Variants in TAF1A observed in about 807,000 individuals in gnomAD.
TAF1A encodes TATA box-binding protein-associated factor RNA polymerase I subunit A.
Under a neutral mutation model 61.6 loss-of-function variants are expected in TAF1A, and 42 were observed. That is an observed-to-expected ratio of 0.68 (90% CI 0.53 to 0.88). The LOEUF is 0.88. TAF1A is among the 40% of genes least tolerant of loss of function. The probability of loss-of-function intolerance (pLI) is 0.00; values close to 1 mark genes in which losing one functional copy is unlikely to be tolerated. For missense variants in TAF1A, 424 were observed against 518.7 expected (o/e 0.82, Z 1.77); for synonymous variants, 179 against 177.7 (o/e 1.01, Z -0.06).
At chr1:222,555,046 T>TG (rs1659710913), downstream of TAF1A, among the ~76,000 whole-genome samples, 1 of 152,196 alleles carries the variant, frequency 6.6e-6, no homozygotes, top group African/African-American at 2.4e-5. Flanking sequence ...TATGAATAAG[T>TG]GCTCAACATC....
chr1:222,563,856 G>A (rs1231777898), intron 8 of TAF1A, among the ~76,000 whole-genome samples: 1 of 152,096 alleles, frequency 6.6e-6, no homozygotes. Flanking sequence ...GCTTTGCAAG[G>A]CATACAGTCT....
chr1:222,571,367 G>A (rs1180471081), intron 5 of TAF1A, among the ~76,000 whole-genome samples: 1 of 151,916 alleles, frequency 6.6e-6, no homozygotes. Context: ...CATTATATTG[G>A]TGGTTCCAGC....
chr1:222,560,796 G>T (rs1490413337), intron 10 of TAF1A, among the ~76,000 whole-genome samples: 1 of 152,044 alleles, frequency 6.6e-6, no homozygotes, highest in Non-Finnish European at 1.5e-5. Context: ...TTTCATTTCG[G>T]TACTGGCCAC....
intron 3 of TAF1A, among the ~76,000 whole-genome samples, chr1:222,581,487 C>T (rs1269882320): frequency 6.6e-6 from 1 of 152,050 alleles, no homozygotes; most frequent in East Asian, 1.9e-4. Context: ...AGAAATTTAG[C>T]AGTATATGCC....
At position 222,567,390 on chromosome 1, in the gene TAF1A, C is replaced by T. The variant is rs188575884; in HGVS notation, c.894+2120G>A. On this transcript the variant is annotated intron_variant, in intron 7 of 10. Coordinates refer to ENST00000352967, the MANE Select transcript of TAF1A (RefSeq NM_005681.4). ...AGACAGTGATGGTGGTTGCACAAAA[C>T]TGTGAATGAATGTACTTAATGCCAC... Among the ~76,000 whole-genome samples, 186 of 152,284 alleles carry T rather than the reference C, an allele frequency of 1.2e-3. 1 individual carries two copies. The highest frequency in any genetic ancestry group is 2.7e-3 in the Admixed American group (42 of 15,302).
chr1:222,581,575 A>G, intron 3 of TAF1A, among the ~76,000 whole-genome samples: 1 of 152,244 alleles, frequency 6.6e-6, no homozygotes, highest in African/African-American at 2.4e-5. Flanking sequence ...ATATAATTAA[A>G]TTGTCAACTG....
In TAF1A at chr1:222,568,051, G is replaced by A. The variant is rs114946544; in HGVS notation, c.894+1459C>T. ...TTCCAAATGTACTAAATGGAGAAAG[G>A]AGAGTCTTCAATATAATGCTGGAAC... is the stretch of plus-strand genomic sequence containing the variant. On this transcript the variant is annotated intron_variant, in intron 7 of 10. Coordinates refer to ENST00000352967, the MANE Select transcript of TAF1A (RefSeq NM_005681.4). Among the ~76,000 whole-genome samples, 1,406 of 152,028 alleles carry A rather than the reference G, an allele frequency of 9.2e-3. 12 individuals carry two copies. The highest frequency in any genetic ancestry group is 0.032 in the African/African-American group (1,316 of 41,460).
intron 7 of TAF1A, among the ~76,000 whole-genome samples, chr1:222,567,945 G>A (rs1019030481): frequency 6.6e-6 from 1 of 152,092 alleles, no homozygotes; most frequent in African/African-American, 2.4e-5. Flanking sequence ...TGGAGAAACT[G>A]AATTTTCATC....
At chr1:222,563,930 A>G (rs1028804616) in intron 8 of TAF1A, 129 bp downstream of exon 8, 5 of 635,290 alleles carry the variant, frequency 7.9e-6, no homozygotes, top group Admixed American at 6.1e-5. Context: ...ACAGAAACAG[A>G]TGGACTCCAA....
chr1:222,570,392 C>T, intron 6 of TAF1A, 143 bp downstream of exon 6: 1 of 840,078 alleles, frequency 1.2e-6, no homozygotes, highest in Non-Finnish European at 1.7e-6. Flanking sequence ...AAATTCAGAC[C>T]AAAAAAGAGA....
intron 3 of TAF1A, among the ~76,000 whole-genome samples, chr1:222,582,043 A>G (rs147120860): frequency 1.5e-3 from 230 of 152,340 alleles, no homozygotes; most frequent in African/African-American, 3.9e-3. Context: ...TTTATATAAT[A>G]TTCTTAAAAT....
chr1:222,559,047 TA>T (rs1659810441), intron 10 of TAF1A, among the ~76,000 whole-genome samples: 1 of 152,234 alleles, frequency 6.6e-6, no homozygotes, highest in Admixed American at 6.5e-5. Context: ...AAGATGTTTC[TA>T]ATCCACCATA....
chr1:222,566,368 G>T (rs1006419906), intron 7 of TAF1A, among the ~76,000 whole-genome samples: 1 of 152,200 alleles, frequency 6.6e-6, no homozygotes, highest in Non-Finnish European at 1.5e-5. Context: ...AGACCAGTGT[G>T]AGGGTCAAGG....
At chr1:222,578,740 T>A (rs1264254836) in intron 4 of TAF1A, among the ~76,000 whole-genome samples, 1 of 152,232 alleles carries the variant, frequency 6.6e-6, no homozygotes, top group Non-Finnish European at 1.5e-5. Flanking sequence ...ACATTTCTAC[T>A]ATGGTACCCA....
chr1:222,567,290 T>C (rs1660155637), intron 7 of TAF1A, among the ~76,000 whole-genome samples: 1 of 150,986 alleles, frequency 6.6e-6, no homozygotes, highest in African/African-American at 2.4e-5. Flanking sequence ...TTTCAGGGGC[T>C]GGGAGGAGCA....
chr1:222,588,383 C>T (rs1661108416), intron 2 of TAF1A, 60 bp downstream of exon 2: 2 of 1,556,792 alleles, frequency 1.3e-6, no homozygotes, highest in Non-Finnish European at 1.7e-6. Context: ...ATTTTGTATC[C>T]CTATTGAATC....
At chr1:222,560,373 A>G (rs1167685082) in intron 10 of TAF1A, among the ~76,000 whole-genome samples, 1 of 152,198 alleles carries the variant, frequency 6.6e-6, no homozygotes, top group Non-Finnish European at 1.5e-5. Flanking sequence ...TGATACTTAC[A>G]ACAATAAGAT....
chr1:222,558,823 G>T, intron 10 of TAF1A, 51 bp from the exon 11 acceptor site: 1 of 869,138 alleles, frequency 1.2e-6, no homozygotes, highest in Non-Finnish European at 1.7e-6. Context: ...CATTTTTCAA[G>T]TATATTTCTA....
chr1:222,584,439 T>G, intron 2 of TAF1A, 142 bp from the exon 3 acceptor site: 1 of 646,958 alleles, frequency 1.5e-6, no homozygotes, highest in Non-Finnish European at 2.5e-6. Flanking sequence ...AAAGCCAGCT[T>G]CACTTGAAAC....
Sources: allele counts gnomAD v4.1 joint callset (sites outside exome capture counted in the v4.1 genomes callset), GRCh38; gene constraint gnomAD v4.1.1; transcripts MANE v1.5; gene names NCBI Gene and HGNC (gene_info 2026-07-23, HGNC 2026-07-21).